MORC4: variants seen among roughly 807,000 people sequenced by gnomAD.
MORC4 encodes the protein MORC family CW-type zinc finger protein 4.
MORC4 carries 22 observed loss-of-function variants against 65.5 expected under a neutral mutation model. The ratio of observed to expected loss-of-function variants is 0.34; its 90% CI spans 0.24 to 0.48. The LOEUF (loss-of-function observed/expected upper bound fraction) is 0.48, where lower values mean the gene tolerates loss of function less well. Ranked by LOEUF, MORC4 falls within the 20% of genes least tolerant of loss-of-function variation. The probability of loss-of-function intolerance (pLI) is 0.99; values close to 1 mark genes in which losing one functional copy is unlikely to be tolerated. For synonymous variants in MORC4, 267 were observed against 255.8 expected (o/e 1.04, Z -0.42); for missense variants, 624 against 703.0 (o/e 0.89, Z 1.27).
At chrX:106,951,034 T>C (rs957745444) in intron 14 of MORC4, among the ~76,000 whole-genome samples, 17 of 111,942 alleles carry the variant, frequency 1.5e-4, no homozygotes, top group Admixed American at 2.8e-4. Context: ...TAAACAGTTA[T>C]TTATTGGTGA....
intron 9 of MORC4, among the ~76,000 whole-genome samples, chrX:106,972,619 T>G (rs755513804): frequency 1.8e-5 from 2 of 110,623 alleles, no homozygotes; most frequent in South Asian, 7.8e-4. Context: ...ACTCACAAGG[T>G]TCTTAAGAAT....
In MORC4 at chrX:106,942,910, C is replaced by G; in HGVS notation, c.1981G>C (p.Glu661Gln). 1.7e-6 allele frequency: 2 copies of G among 1,211,864 alleles called. No homozygotes were observed. The highest frequency in any genetic ancestry group is 2.2e-6 in the Non-Finnish European group (2 of 895,508). Reference protein sequence around the residue: ...DQRQGSLLPEELEDQMPRLVA... With the variant: ...DQRQGSLLPEQLEDQMPRLVA... ...AATCTTGGCATCTGATCTTCTAATT[C>G]TTCAGGAAGCAGGGACCCCTGGCGT... Residue 661 changes from glutamate to glutamine, a missense_variant, in exon 15 of 17, where the codon GAA becomes CAA. By Grantham distance (29) the Glu-to-Gln change is conservative. Coordinates refer to ENST00000355610, the MANE Select transcript of MORC4 (RefSeq NM_024657.5).
Position 106,965,504 on chromosome X carries a change from T to C in MORC4, c.1158-3394A>G, listed in dbSNP as rs778020559. ...CTCTCCTTATCAGTAATTACTTTAATGTAAATGGATTAAATCCAGATTCAC... is the reference window on the plus strand; with the variant it reads ...CTCTCCTTATCAGTAATTACTTTAACGTAAATGGATTAAATCCAGATTCAC... On this transcript the variant is annotated intron_variant, in intron 9 of 16. Transcript: ENST00000355610. 7.1e-5 allele frequency among the ~76,000 whole-genome samples: 8 copies of C among 112,227 alleles called. No individual in the cohort carries two copies. The East Asian group carries it at 2.2e-3, about 31-fold the overall frequency.
intron 9 of MORC4, among the ~76,000 whole-genome samples, chrX:106,966,368 G>A (rs910007258): frequency 4.8e-4 from 54 of 112,443 alleles, no homozygotes; most frequent in African/African-American, 1.7e-3. Flanking sequence ...CAGTGAGATC[G>A]ACGCAGAAGA....
In MORC4 at chrX:106,976,736, G is replaced by A. The variant is rs73533067; in HGVS notation, c.1057-52C>T. The A allele has an allele frequency of 0.014, 12,899 of 908,494 alleles. 1,023 individuals carry two copies. In the African/African-American group the frequency reaches 0.22, roughly 15 times the overall value. The allele number at this position is 908,494 out of a possible 1,213,427, so 74.9% of individuals were successfully genotyped here. A position where few individuals can be genotyped will look rare whatever the true frequency, so the allele number is the denominator to read the frequency against. The stretch of plus-strand genomic sequence containing the variant: ...CTTACATTACTGTTGGCTGCCTGGA[G>A]GCATTTCCTTTTGATTCCAAACAAT... On this transcript the variant is annotated intron_variant, in intron 8 of 16. Coordinates refer to ENST00000355610, the MANE Select transcript of MORC4 (RefSeq NM_024657.5).
chrX:106,948,237 T>C (rs1489533698), intron 14 of MORC4, among the ~76,000 whole-genome samples: 2 of 111,748 alleles, frequency 1.8e-5, no homozygotes, highest in Non-Finnish European at 3.8e-5. Flanking sequence ...TTAACCTTTT[T>C]ATTTTCCATT....
At chrX:106,961,540 T>C (rs1346033881) in intron 10 of MORC4, among the ~76,000 whole-genome samples, 4 of 111,954 alleles carry the variant, frequency 3.6e-5, no homozygotes, top group African/African-American at 1.3e-4. Context: ...CTTGGGGAAC[T>C]TTCCTGTCTT....
At chrX:106,943,607 A>AT (rs1683846624) in intron 14 of MORC4, among the ~76,000 whole-genome samples, 1 of 112,574 alleles carries the variant, frequency 8.9e-6, no homozygotes, top group African/African-American at 3.2e-5. Flanking sequence ...CTAGAAGAGT[A>AT]TGCAGAGAAC....
At chrX:106,983,540 T>A (rs1467333641) in intron 5 of MORC4, among the ~76,000 whole-genome samples, 1 of 111,825 alleles carries the variant, frequency 8.9e-6, no homozygotes, top group Non-Finnish European at 1.9e-5. Context: ...TTAGGGTTAT[T>A]TTTTAGTGTT....
Position 106,954,880 on chromosome X carries a change from T to C in MORC4, c.1685+33A>G, listed in dbSNP as rs1220516794. The C allele has an allele frequency of 3.4e-6, 4 of 1,171,065 alleles. No individual in the cohort carries two copies. In the South Asian group the frequency reaches 7.4e-5, roughly 22 times the overall value. On this transcript the variant is annotated intron_variant, in intron 14 of 16. Transcript: ENST00000355610. ...CTACAGGAAAACAGACTCTAAAGCT[T>C]ACTATTGACAAGAGATCATGCTTTT...
intron 2 of MORC4, 32 bp from the exon 3 acceptor site, chrX:106,993,394 C>T: frequency 8.4e-7 from 1 of 1,186,508 alleles, no homozygotes; most frequent in Admixed American, 2.2e-5. Flanking sequence ...GATATTAGAT[C>T]CCCTTTTCCA....
intron 14 of MORC4, among the ~76,000 whole-genome samples, chrX:106,943,558 C>A (rs1191781991): frequency 8.9e-6 from 1 of 111,967 alleles, no homozygotes; most frequent in Non-Finnish European, 1.9e-5. Context: ...TACCCCAAAT[C>A]CCCTAACACA....
chrX:106,949,882 A>C (rs1933932154), intron 14 of MORC4, among the ~76,000 whole-genome samples: 1 of 112,356 alleles, frequency 8.9e-6, no homozygotes. Flanking sequence ...GAGGTAGCAT[A>C]GCATTGAACA....
chrX:106,975,264 T>C (rs1934598987), intron 9 of MORC4, among the ~76,000 whole-genome samples: 1 of 111,997 alleles, frequency 8.9e-6, no homozygotes. Flanking sequence ...AATTGAAACA[T>C]AATAACTTGA....
At position 106,942,527 on chromosome X, in the gene MORC4, C is replaced by A; in HGVS notation, c.2364G>T (p.Leu788Phe). 8.3e-7 allele frequency: 1 copy of A among 1,209,020 alleles called. No individual in the cohort carries two copies. The highest frequency in any genetic ancestry group is 1.1e-6 in the Non-Finnish European group (1 of 894,114). Residue 788 changes from leucine to phenylalanine, a missense_variant, in exon 15 of 17, where the codon TTG (leucine) becomes TTT (phenylalanine). By Grantham distance (22) the Leu-to-Phe change is conservative (BLOSUM62 0). Coordinates refer to ENST00000355610, the MANE Select transcript of MORC4 (RefSeq NM_024657.5). ...KLERVLAERNLFQQKVEELEQ... is the reference protein window; with the variant it reads ...KLERVLAERNFFQQKVEELEQ... ...GTATTACCCTAACCTTTTGCTGGAACAAATTCCTTTCAGCCAAAACACGTT... is the reference window on the plus strand; with the variant it reads ...GTATTACCCTAACCTTTTGCTGGAAAAAATTCCTTTCAGCCAAAACACGTT...
chrX:106,947,984 C>A (rs1418745218), intron 14 of MORC4, among the ~76,000 whole-genome samples: 1 of 110,685 alleles, frequency 9.0e-6, no homozygotes, highest in African/African-American at 3.3e-5. Context: ...GTCACATTTT[C>A]TGTTACTGAT....
intron 6 of MORC4, 65 bp from the exon 7 acceptor site, chrX:106,981,084 T>C (rs1344911451): frequency 5.3e-6 from 6 of 1,139,416 alleles, no homozygotes. Flanking sequence ...GACATCCCCA[T>C]AAAACACTGC....
chrX:106,991,886 T>C (rs887483738), intron 3 of MORC4, among the ~76,000 whole-genome samples: 2 of 111,452 alleles, frequency 1.8e-5, no homozygotes, highest in African/African-American at 6.5e-5. Context: ...GCCTGGGTGA[T>C]GGAGTGAGAC....
rs7066684 is a variant in MORC4 at position 106,991,439 on chromosome X, A to G, written c.308+1791T>C. Among the ~76,000 whole-genome samples the G allele has an allele frequency of 9.2e-3, 1,039 of 112,520 alleles. 17 individuals are homozygous for G. Among genetic ancestry groups the G allele is most frequent in the African/African-American group, 0.031 (967 of 30,969 alleles). On this transcript the variant is annotated intron_variant, in intron 3 of 16. Transcript: ENST00000355610. ...ATAAATGAATGAATCTGGAACAAAAATTGTGGCAATTATTTTGAAACCATT... is the reference window on the plus strand; with the variant it reads ...ATAAATGAATGAATCTGGAACAAAAGTTGTGGCAATTATTTTGAAACCATT...
Sources: gnomAD v4.1 joint callset for allele counts (sites outside exome capture counted in the v4.1 genomes callset) on GRCh38, gnomAD v4.1.1 for gene constraint, MANE v1.5 for transcripts, NCBI Gene and HGNC (gene_info 2026-07-23, HGNC 2026-07-21) for gene names.